The following STPG4 variants were observed in gnomAD, a reference collection of about 807,000 sequenced individuals.
The protein encoded by STPG4 is sperm-tail PG-rich repeat containing 4.
A neutral mutation model predicts 31.5 loss-of-function variants in STPG4; 41 were observed. That is an observed-to-expected ratio of 1.30 (90% CI 1.01 to 1.69). The LOEUF is 1.69. Ranked by LOEUF, STPG4 falls within the 40% of genes most tolerant of loss-of-function variation. STPG4 has a pLI of 0.00. For synonymous variants in STPG4, 141 were observed against 103.0 expected (o/e 1.37, Z -2.24); for missense variants, 375 against 293.4 (o/e 1.28, Z -2.03).
chr2:47,143,261 A>T (rs1686752873), intron 3 of STPG4, among the ~76,000 whole-genome samples: 1 of 152,198 alleles, frequency 6.6e-6, no homozygotes, highest in Admixed American at 6.5e-5. Context: ...AAATATTTGC[A>T]CCAGTTTGTA....
At chr2:47,132,997 T>G (rs189630658) in intron 3 of STPG4, among the ~76,000 whole-genome samples, 3 of 152,320 alleles carry the variant, frequency 2.0e-5, no homozygotes, top group Admixed American at 6.5e-5. Context: ...TACCATTCTT[T>G]GCTACTTAAC....
rs889528896 is a variant in STPG4 at position 47,125,765 on chromosome 2, C to T, written c.519+4176G>A. On this transcript the variant is annotated intron_variant, in intron 5 of 6. Coordinates refer to ENST00000445927, the MANE Select transcript of STPG4 (RefSeq NM_001163561.2). ...CTAGAGACAGGGTCTCCCTATATTGCCCAGGCTGGTCTCGAATTCCTGGGC... is the reference window on the plus strand; with the variant it reads ...CTAGAGACAGGGTCTCCCTATATTGTCCAGGCTGGTCTCGAATTCCTGGGC... Among the ~76,000 whole-genome samples the T allele has an allele frequency of 4.0e-5, 6 of 151,620 alleles. No individual in the cohort carries two copies. In the East Asian group the frequency reaches 1.2e-3, roughly 29 times the overall value.
At chr2:47,144,736 T>C (rs763285838) in intron 3 of STPG4, among the ~76,000 whole-genome samples, 4 of 151,966 alleles carry the variant, frequency 2.6e-5, no homozygotes, top group Non-Finnish European at 5.9e-5. Context: ...AGTTTTTTTG[T>C]TTTTTGTTTT....
intron 3 of STPG4, 42 bp from the exon 4 acceptor site, chr2:47,130,302 T>A: frequency 6.6e-7 from 1 of 1,516,426 alleles, no homozygotes; most frequent in South Asian, 1.1e-5. Flanking sequence ...TAATAGAGGT[T>A]GTAAACTCAC....
At chr2:47,097,840 G>A (rs1685702993) in intron 5 of STPG4, among the ~76,000 whole-genome samples, 1 of 152,030 alleles carries the variant, frequency 6.6e-6, no homozygotes, top group South Asian at 2.1e-4. Flanking sequence ...CTGAGGGGCT[G>A]GATGCAGTGG....
chr2:47,101,716 A>G (rs1057080141), intron 5 of STPG4, among the ~76,000 whole-genome samples: 2 of 151,856 alleles, frequency 1.3e-5, no homozygotes, highest in Admixed American at 1.3e-4. Context: ...TCAGACTAAC[A>G]GGCCTAACAA....
At position 47,123,544 on chromosome 2, in the gene STPG4, G is replaced by A. The variant is rs113733355; in HGVS notation, c.519+6397C>T. Among the ~76,000 whole-genome samples, 39 of 152,216 alleles carry A rather than the reference G, an allele frequency of 2.6e-4. 1 individual carries two copies. The highest frequency in any genetic ancestry group is 9.4e-4 in the African/African-American group (39 of 41,534). Reference sequence around the variant, plus strand: ...TGAAGTAAAAAATAAACCAAGGAAGGGGACAGCAAATTTGAATAGGTGACT... The same window carrying A: ...TGAAGTAAAAAATAAACCAAGGAAGAGGACAGCAAATTTGAATAGGTGACT... On this transcript the variant is annotated intron_variant, in intron 5 of 6. Transcript: ENST00000445927.
chr2:47,138,925 T>G (rs917933127), intron 3 of STPG4, among the ~76,000 whole-genome samples: 4 of 152,182 alleles, frequency 2.6e-5, no homozygotes, highest in African/African-American at 9.7e-5. Context: ...CCTCAAGTGA[T>G]CCACCTGCCT....
chr2:47,148,914 G>A (rs1209459441), intron 3 of STPG4, among the ~76,000 whole-genome samples: 1 of 152,096 alleles, frequency 6.6e-6, no homozygotes, highest in Non-Finnish European at 1.5e-5. Flanking sequence ...CAAATAAAAA[G>A]CAGCCACTGA....
intron 6 of STPG4, among the ~76,000 whole-genome samples, chr2:47,087,879 G>A (rs1685493289): frequency 1.3e-5 from 2 of 152,010 alleles, no homozygotes; most frequent in Non-Finnish European, 2.9e-5. Context: ...CTCCCAAGTA[G>A]CTGGGATTAC....
intron 5 of STPG4, among the ~76,000 whole-genome samples, chr2:47,109,496 G>A (rs1269695053): frequency 6.6e-6 from 1 of 150,832 alleles, no homozygotes. Context: ...AGCGGAGATT[G>A]CAGTGAGCCG....
chr2:47,154,051 A>C (rs1343979001), intron 1 of STPG4, among the ~76,000 whole-genome samples: 2 of 152,146 alleles, frequency 1.3e-5, no homozygotes, highest in Non-Finnish European at 1.5e-5. Context: ...TAAAATGTTG[A>C]GTTCTCCTTT....
intron 5 of STPG4, among the ~76,000 whole-genome samples, chr2:47,105,671 A>T (rs1685895904): frequency 6.6e-6 from 1 of 152,084 alleles, no homozygotes; most frequent in Non-Finnish European, 1.5e-5. Context: ...AGGGCAGGTT[A>T]TGCCATAGTT....
chr2:47,146,390 T>C (rs887294880), intron 3 of STPG4, among the ~76,000 whole-genome samples: 1 of 152,022 alleles, frequency 6.6e-6, no homozygotes, highest in Admixed American at 6.6e-5. Flanking sequence ...ACGTCAGCAG[T>C]GCCAAGCTTG....
intron 5 of STPG4, among the ~76,000 whole-genome samples, chr2:47,122,800 T>C (rs1686297623): frequency 1.4e-5 from 2 of 142,776 alleles, no homozygotes; most frequent in Non-Finnish European, 3.1e-5. Flanking sequence ...TTATTTCTGT[T>C]TTTTGTTTGT....
chr2:47,095,498 C>G (rs889247581), intron 5 of STPG4, among the ~76,000 whole-genome samples: 3 of 152,182 alleles, frequency 2.0e-5, no homozygotes, highest in Admixed American at 2.0e-4. Context: ...GCTGGGACTT[C>G]CAGTCTCCAG....
intron 3 of STPG4, among the ~76,000 whole-genome samples, chr2:47,148,617 G>A (rs537374251): frequency 1.3e-5 from 2 of 152,100 alleles, no homozygotes; most frequent in South Asian, 4.2e-4. Context: ...TGCCATGTTG[G>A]TGTGCTGCAC....
intron 5 of STPG4, among the ~76,000 whole-genome samples, chr2:47,101,720 C>T (rs1412816288): frequency 6.6e-6 from 1 of 151,794 alleles, no homozygotes; most frequent in African/African-American, 2.4e-5. Context: ...ACTAACAGGC[C>T]TAACAAAAGC....
chr2:47,155,118 T>G (rs574637753), intron 1 of STPG4, 53 bp downstream of exon 1: 1 of 1,541,552 alleles, frequency 6.5e-7, no homozygotes, highest in African/African-American at 1.4e-5. Context: ...AAAAGGGTAG[T>G]GGGCCTGGTG....
Sources: gnomAD v4.1 joint callset for allele counts (sites outside exome capture counted in the v4.1 genomes callset) on GRCh38, gnomAD v4.1.1 for gene constraint, MANE v1.5 for transcripts, NCBI Gene and HGNC (gene_info 2026-07-23, HGNC 2026-07-21) for gene names.